Variants in GABRG3 observed in about 807,000 individuals in gnomAD.
GABRG3 encodes gamma-aminobutyric acid type A receptor subunit gamma3.
Under a neutral mutation model 48.8 loss-of-function variants are expected in GABRG3, and 25 were observed. The observed-to-expected ratio is 0.51, with a 90% CI of 0.37 to 0.72. The LOEUF (loss-of-function observed/expected upper bound fraction) is 0.72, where lower values mean the gene tolerates loss of function less well. GABRG3 is among the 30% of genes least tolerant of loss of function. GABRG3 has a pLI of 0.00. For missense variants in GABRG3, 394 were observed against 577.9 expected, an observed-to-expected ratio of 0.68 and a Z score of 3.26; for synonymous variants, 227 against 217.6, an observed-to-expected ratio of 1.04 and a Z score of -0.38.
chr15:27,156,372 T>G (rs1898429198), intron 3 of GABRG3, among the ~76,000 whole-genome samples: 1 of 151,924 alleles, frequency 6.6e-6, no homozygotes, highest in South Asian at 2.1e-4. Flanking sequence ...TACTTGTCCT[T>G]TAACTAGAGA....
At chr15:27,306,601 ATGTT>A (rs1435542066) in intron 3 of GABRG3, among the ~76,000 whole-genome samples, 8 of 130,596 alleles carry the variant, frequency 6.1e-5, no homozygotes, top group Admixed American at 2.4e-4. Context: ...ATATAAACAT[ATGTT>A]TATATATAAA....
At position 27,540,368 on chromosome 15, in the gene GABRG3, G is replaced by A. The variant is rs1461196383; in HGVS notation, c.*7487G>A. 1.3e-5 allele frequency: 2 copies of A among 151,888 alleles called. No homozygotes were observed. The highest frequency in any genetic ancestry group is 2.9e-5 in the Non-Finnish European group (2 of 67,998). The allele number at this position is 151,888 out of a possible 1,614,324, so 9.4% of individuals were successfully genotyped here. A position where few individuals can be genotyped will look rare whatever the true frequency, so the allele number is the denominator to read the frequency against. ...ACTATCTTTTTTCACTAAAATACAT[G>A]CATCTTTGGAAACTGCAAATTTTGT... On this transcript the variant is annotated 3_prime_UTR_variant, in exon 10 of 10. Transcript: ENST00000615808.
intron 7 of GABRG3, among the ~76,000 whole-genome samples, chr15:27,521,473 A>G (rs1228197764): frequency 6.6e-6 from 1 of 152,118 alleles, no homozygotes; most frequent in Non-Finnish European, 1.5e-5. Flanking sequence ...AGGAGTTATA[A>G]TAAGAACTTA....
intron 3 of GABRG3, among the ~76,000 whole-genome samples, chr15:27,284,511 C>G (rs1037507437): frequency 1.3e-5 from 2 of 152,166 alleles, no homozygotes; most frequent in African/African-American, 4.8e-5. Flanking sequence ...CTCACACACT[C>G]TCTCTCTCAC....
chr15:27,530,719 A>G (rs1428578462), intron 9 of GABRG3: 1 of 470,960 alleles, frequency 2.1e-6, no homozygotes, highest in East Asian at 7.0e-5. Flanking sequence ...CTAAGTCAGA[A>G]TCTTCCTGTG....
intron 3 of GABRG3, among the ~76,000 whole-genome samples, chr15:27,176,040 AAAG>A (rs1388232568): frequency 1.3e-5 from 2 of 151,890 alleles, no homozygotes; most frequent in Non-Finnish European, 2.9e-5. Flanking sequence ...AAAAAAAAAA[AAAG>A]AAAGAAAAAA....
At chr15:27,231,009 ATGTGTGTGTGTG>A (rs3068361) in intron 3 of GABRG3, among the ~76,000 whole-genome samples, 8 of 143,504 alleles carry the variant, frequency 5.6e-5, no homozygotes, top group East Asian at 2.0e-4. Flanking sequence ...AAACAGTAAA[ATGTGTGTGTGTG>A]TGTGTGTGTG....
intron 7 of GABRG3, among the ~76,000 whole-genome samples, chr15:27,522,216 A>G (rs1891175564): frequency 6.6e-6 from 1 of 151,982 alleles, no homozygotes; most frequent in African/African-American, 2.4e-5. Flanking sequence ...CCATCTTTAA[A>G]GTACTGAAAT....
chr15:27,370,108 A>AATGC (rs1337354902), intron 5 of GABRG3, among the ~76,000 whole-genome samples: 2 of 152,232 alleles, frequency 1.3e-5, no homozygotes, highest in Admixed American at 1.3e-4. Context: ...TTCAGCAGCA[A>AATGC]ATGCATTGAA....
intron 3 of GABRG3, among the ~76,000 whole-genome samples, chr15:27,170,481 G>A (rs1336715520): frequency 6.6e-6 from 1 of 152,002 alleles, no homozygotes; most frequent in Non-Finnish European, 1.5e-5. Context: ...AGTCAATAAG[G>A]GAGATAAAGT....
chr15:27,350,648 C>T (rs1463514097), intron 5 of GABRG3, among the ~76,000 whole-genome samples: 1 of 152,052 alleles, frequency 6.6e-6, no homozygotes, highest in Non-Finnish European at 1.5e-5. Flanking sequence ...ACCACCAGGG[C>T]CAGCGCTGGA....
At position 27,265,882 on chromosome 15, in the gene GABRG3, G is replaced by GTTTTTTTTTTTTT. The variant is rs57522857; in HGVS notation, c.271-60924_271-60912dup. Among the ~76,000 whole-genome samples the GTTTTTTTTTTTTT allele has an allele frequency of 1.3e-3, 172 of 127,532 alleles. 17 individuals carry two copies. The highest frequency in any genetic ancestry group is 5.4e-3 in the African/African-American group (159 of 29,404). The allele number at this position is 127,532 out of a possible 152,430, so 83.7% of individuals were successfully genotyped here. ...GCAAGGTCAAGAAGATTTTCTCCTG[G>GTTTTTTTTTTTTT]TTTTTTTTTTTTTTTGAGAGTGACC... On this transcript the variant is annotated intron_variant, in intron 3 of 9. Transcript: ENST00000615808.
intron 3 of GABRG3, among the ~76,000 whole-genome samples, chr15:27,202,426 T>C (rs1888714939): frequency 6.6e-6 from 1 of 152,230 alleles, no homozygotes; most frequent in South Asian, 2.1e-4. Flanking sequence ...TATGTGTCTC[T>C]GTAGAAGGTA....
chr15:27,476,823 T>C (rs771648967), intron 5 of GABRG3, among the ~76,000 whole-genome samples: 5 of 152,296 alleles, frequency 3.3e-5, no homozygotes, highest in Non-Finnish European at 5.9e-5. Flanking sequence ...TCTAAGAATG[T>C]CAACAAATCC....
chr15:27,062,079 C>T lies in GABRG3; in HGVS notation c.270+35258C>T, dbSNP rs142296169. On this transcript the variant is annotated intron_variant, in intron 3 of 9. Coordinates refer to ENST00000615808, the MANE Select transcript of GABRG3 (RefSeq NM_033223.5). ...CATGGGCTGCCTTCCGGGCAACTGG[C>T]GGCAGCTGTCATGTTCTCTGAGTCT... 4.2e-3 allele frequency among the ~76,000 whole-genome samples: 635 copies of T among 152,296 alleles called. 5 individuals are homozygous for T. Among genetic ancestry groups the T allele is most frequent in the Non-Finnish European group, 7.0e-3 (475 of 68,032 alleles).
intron 9 of GABRG3, among the ~76,000 whole-genome samples, chr15:27,530,435 G>A (rs987828997): frequency 6.6e-6 from 1 of 152,156 alleles, no homozygotes; most frequent in African/African-American, 2.4e-5. Flanking sequence ...AAGTTCTTAA[G>A]CTGTTTAGGG....
At chr15:26,999,097 C>T (rs1895393253) in intron 2 of GABRG3, among the ~76,000 whole-genome samples, 1 of 146,502 alleles carries the variant, frequency 6.8e-6, no homozygotes, top group African/African-American at 2.5e-5. Flanking sequence ...GTTCTGCATC[C>T]ATGGATTAAA....
chr15:27,223,824 C>T (rs74004730), intron 3 of GABRG3, among the ~76,000 whole-genome samples: 2,256 of 152,302 alleles, frequency 0.015, 56 homozygotes, highest in African/African-American at 0.052. Context: ...GTCCTCATTG[C>T]AGGCACACTG....
chr15:27,000,866 C>G (rs985441268), intron 2 of GABRG3, among the ~76,000 whole-genome samples: 1 of 152,156 alleles, frequency 6.6e-6, no homozygotes, highest in Non-Finnish European at 1.5e-5. Context: ...TATAGCAATG[C>G]AAGAATGGAC....
Sources: allele counts gnomAD v4.1 joint callset (sites outside exome capture counted in the v4.1 genomes callset), GRCh38; gene constraint gnomAD v4.1.1; transcripts MANE v1.5; gene names NCBI Gene and HGNC (gene_info 2026-07-23, HGNC 2026-07-21).